Variants in KIF13B observed in about 807,000 individuals in gnomAD.
KIF13B encodes kinesin-like protein KIF13B.
In KIF13B, 127 loss-of-function variants were observed where a neutral mutation model predicts 222.0. That is an observed-to-expected ratio of 0.57 (90% CI 0.50 to 0.66). The LOEUF is 0.66. Ranked by LOEUF, KIF13B falls within the 30% of genes least tolerant of loss-of-function variation. The pLI, the probability that KIF13B is intolerant of heterozygous loss-of-function variation, is 0.00. For missense variants in KIF13B, 2,173 were observed against 2,379.0 expected (o/e 0.91, Z 1.80); for synonymous variants, 976 against 919.0 (o/e 1.06, Z -1.12).
At chr8:29,179,648 C>A (rs1257119781) in intron 8 of KIF13B, among the ~76,000 whole-genome samples, 1 of 152,224 alleles carries the variant, frequency 6.6e-6, no homozygotes, top group Non-Finnish European at 1.5e-5. Flanking sequence ...CCTGCTGCCC[C>A]TTTCTGGCTC....
intron 29 of KIF13B, among the ~76,000 whole-genome samples, chr8:29,120,352 C>T (rs1245386256): frequency 9.4e-5 from 9 of 95,608 alleles, no homozygotes; most frequent in African/African-American, 3.7e-4. Flanking sequence ...ACCACAGTCC[C>T]CAGAGTGTGA....
At chr8:29,233,293 C>T (rs1815367373) in intron 2 of KIF13B, among the ~76,000 whole-genome samples, 2 of 152,224 alleles carry the variant, frequency 1.3e-5, no homozygotes, top group South Asian at 4.1e-4. Flanking sequence ...GAATCCTTGC[C>T]ACCCTAACCC....
intron 32 of KIF13B, among the ~76,000 whole-genome samples, chr8:29,110,924 A>G (rs1809327222): frequency 6.6e-6 from 1 of 152,260 alleles, no homozygotes; most frequent in East Asian, 1.9e-4. Context: ...CTTAAATGCC[A>G]TCAACTGTAA....
At chr8:29,191,619 A>G (rs778189652) in intron 3 of KIF13B, among the ~76,000 whole-genome samples, 1 of 152,250 alleles carries the variant, frequency 6.6e-6, no homozygotes, top group Non-Finnish European at 1.5e-5. Flanking sequence ...CCAAAAAACT[A>G]TATGCATAAA....
At chr8:29,213,039 A>T (rs1814301363) in intron 2 of KIF13B, among the ~76,000 whole-genome samples, 1 of 152,116 alleles carries the variant, frequency 6.6e-6, no homozygotes, top group Non-Finnish European at 1.5e-5. Context: ...TATAAGAAGT[A>T]GTACTCTGCA....
At chr8:29,187,896 A>T (rs1025490616) in intron 5 of KIF13B, among the ~76,000 whole-genome samples, 1 of 152,230 alleles carries the variant, frequency 6.6e-6, no homozygotes, top group Non-Finnish European at 1.5e-5. Context: ...TGAAGGGCAG[A>T]GAGGTTAAGT....
intron 16 of KIF13B, 87 bp downstream of exon 16, chr8:29,148,490 G>A (rs1417859411): frequency 1.0e-6 from 1 of 955,764 alleles, no homozygotes. Flanking sequence ...GCTCACTGCA[G>A]CCTGGAACTC....
At chr8:29,113,908 A>T (rs1809475143) in intron 31 of KIF13B, among the ~76,000 whole-genome samples, 1 of 152,216 alleles carries the variant, frequency 6.6e-6, no homozygotes, top group African/African-American at 2.4e-5. Context: ...CTAAGATGGA[A>T]GCAACGACTG....
chr8:29,209,847 T>C (rs564310731), intron 2 of KIF13B, among the ~76,000 whole-genome samples: 93 of 143,942 alleles, frequency 6.5e-4, no homozygotes, highest in Non-Finnish European at 1.1e-3. Flanking sequence ...AGCCCTGGAG[T>C]TCAAGACCAG....
At chr8:29,211,973 GT>G (rs1409475060) in intron 2 of KIF13B, among the ~76,000 whole-genome samples, 3 of 151,964 alleles carry the variant, frequency 2.0e-5, no homozygotes, top group African/African-American at 7.3e-5. Flanking sequence ...TTTCTACCTG[GT>G]GTCTATCACT....
chr8:29,090,270 C>T (rs898267186), intron 37 of KIF13B, among the ~76,000 whole-genome samples: 5 of 152,234 alleles, frequency 3.3e-5, no homozygotes, highest in Middle Eastern at 3.4e-3. Flanking sequence ...ACACCACTGA[C>T]GACTGTGAGG....
chr8:29,070,337 A>C lies in KIF13B; in HGVS notation c.*167T>G. 1 of 699,338 alleles carries C rather than the reference A, an allele frequency of 1.4e-6. No homozygotes were observed. The highest frequency in any genetic ancestry group is 2.8e-5 in the East Asian group (1 of 35,760). The allele number at this position is 699,338 out of a possible 1,614,324, so 43.3% of individuals were successfully genotyped here. A position where few individuals can be genotyped will look rare whatever the true frequency, so the allele number is the denominator to read the frequency against. ...ACTTTACCCGGGTACAGAAGAAACA[A>C]AGCTTCCAGAGGCCCAGGGAGGTCA... On this transcript the variant is annotated 3_prime_UTR_variant, in exon 40 of 40. Coordinates refer to ENST00000524189, the MANE Select transcript of KIF13B (RefSeq NM_015254.4). The surrounding 1 kb of genome is among the most constrained non-coding windows in gnomAD (Gnocchi z 4.1).
At chr8:29,135,167 C>A (rs538595893) in intron 21 of KIF13B, among the ~76,000 whole-genome samples, 1 of 152,190 alleles carries the variant, frequency 6.6e-6, no homozygotes, top group Admixed American at 6.5e-5. Flanking sequence ...CCTCAGCCTC[C>A]CAAGGAGCTA....
chr8:29,145,349 A>G (rs907734778), intron 18 of KIF13B, among the ~76,000 whole-genome samples: 2 of 152,142 alleles, frequency 1.3e-5, no homozygotes, highest in African/African-American at 4.8e-5. Context: ...AATCCTTGCT[A>G]TCAAATTAGA....
upstream of KIF13B, chr8:29,263,210 C>T (rs1816756822): frequency 1.7e-6 from 1 of 579,950 alleles, no homozygotes; most frequent in Non-Finnish European, 2.9e-6. Context: ...TGTAGTTCCC[C>T]AGGGTCGTCG....
intron 4 of KIF13B, chr8:29,189,956 G>T (rs751368834): frequency 2.6e-5 from 4 of 152,244 alleles, no homozygotes; most frequent in Non-Finnish European, 5.9e-5. Context: ...ACACGGGAGG[G>T]TGTTGTCTGT....
intron 14 of KIF13B, among the ~76,000 whole-genome samples, chr8:29,151,429 G>C (rs547692076): frequency 3.3e-5 from 5 of 152,188 alleles, no homozygotes; most frequent in African/African-American, 1.2e-4. Flanking sequence ...ATGTCATCTC[G>C]AACTTTCTTA....
chr8:29,161,555 C>T (rs1811775288), intron 12 of KIF13B, among the ~76,000 whole-genome samples: 1 of 151,952 alleles, frequency 6.6e-6, no homozygotes, highest in Non-Finnish European at 1.5e-5. Context: ...AATTAGCCAG[C>T]TGTGGCAGCA....
chr8:29,122,483 A>G, intron 29 of KIF13B, 108 bp downstream of exon 29: 1 of 845,152 alleles, frequency 1.2e-6, no homozygotes, highest in Non-Finnish European at 1.9e-6. Context: ...AACTGGCTCT[A>G]GCCTTAGGGG....
Sources: allele counts gnomAD v4.1 joint callset (sites outside exome capture counted in the v4.1 genomes callset), GRCh38; gene constraint gnomAD v4.1.1; non-coding constraint Gnocchi (gnomAD v3.1); transcripts MANE v1.5; gene names NCBI Gene and HGNC (gene_info 2026-07-23, HGNC 2026-07-21).